ACIN1: variants seen among roughly 807,000 people sequenced by gnomAD.
ACIN1 encodes apoptotic chromatin condensation inducer in the nucleus.
In ACIN1, 16 loss-of-function variants were observed where a neutral mutation model predicts 146.6. That is an observed-to-expected ratio of 0.11 (90% CI 0.07 to 0.17). ACIN1 has a LOEUF of 0.17. Among genes scored for constraint, ACIN1 ranks in the 10% least tolerant of loss-of-function variants. ACIN1 has a pLI of 1.00. For synonymous variants in ACIN1, 569 were observed against 582.7 expected, an observed-to-expected ratio of 0.98 and a Z score of 0.34; for missense variants, 1,357 against 1,609.3, an observed-to-expected ratio of 0.84 and a Z score of 2.68.
rs116588366 is a variant in ACIN1 at position 23,062,560 on chromosome 14, G to C, written c.2884-37C>G. ...AATAGACTTTCAGGGTCTAGCAGAAGGCAAGACCACCACCCAATCTTTAGA... is the reference window on the plus strand; with the variant it reads ...AATAGACTTTCAGGGTCTAGCAGAACGCAAGACCACCACCCAATCTTTAGA... On this transcript the variant is annotated intron_variant, in intron 14 of 18. Transcript: ENST00000605057. 2,883 of 1,559,404 alleles carry C rather than the reference G, an allele frequency of 1.8e-3. 58 individuals are homozygous for C. The African/African-American group carries it at 0.034, about 18-fold the overall frequency.
In ACIN1 at chr14:23,068,347, C is replaced by T; in HGVS notation, c.2265+1129G>A. The T allele has an allele frequency of 1.0e-6, 1 of 985,962 alleles. No individual in the cohort carries two copies. The highest frequency in any genetic ancestry group is 4.7e-5 in the South Asian group (1 of 21,296). The allele number at this position is 985,962 out of a possible 1,614,324, so 61.1% of individuals were successfully genotyped here. A position where few individuals can be genotyped will look rare whatever the true frequency, so the allele number is the denominator to read the frequency against. Reference sequence around the variant, plus strand: ...GGGCATGTGGGCAGGCGCCCCAGCACTGGCACAAGCTCTTCTTGGGGTGTC... The same window carrying T: ...GGGCATGTGGGCAGGCGCCCCAGCATTGGCACAAGCTCTTCTTGGGGTGTC... On this transcript the variant is annotated intron_variant, in intron 9 of 18. Transcript: ENST00000605057. The surrounding 1 kb of genome is among the most constrained non-coding windows in gnomAD (Gnocchi z 4.3).
chr14:23,065,945 G>A, intron 10 of ACIN1, 21 bp downstream of exon 10: 3 of 1,610,710 alleles, frequency 1.9e-6, no homozygotes, highest in Non-Finnish European at 2.5e-6. Context: ...ACTTTTATCA[G>A]GGATTTGGGG....
intron 14 of ACIN1, 66 bp from the exon 15 acceptor site, chr14:23,062,589 C>T: frequency 4.2e-6 from 6 of 1,436,500 alleles, no homozygotes; most frequent in South Asian, 3.4e-5. Flanking sequence ...CTTTAGATTT[C>T]CCGAGCTGCT....
intron 4 of ACIN1, among the ~76,000 whole-genome samples, chr14:23,082,655 G>A (rs1286686403): frequency 1.3e-5 from 2 of 152,044 alleles, no homozygotes; most frequent in African/African-American, 4.8e-5. Context: ...CTGTTGGACA[G>A]GCTGGTCTCA....
chr14:23,060,255 C>T (rs1048494534), intron 18 of ACIN1, among the ~76,000 whole-genome samples: 3 of 152,152 alleles, frequency 2.0e-5, no homozygotes, highest in Non-Finnish European at 4.4e-5. Flanking sequence ...AGGCATGAGC[C>T]ACCATGCCTA....
chr14:23,066,274 G>A (rs1471079898), intron 9 of ACIN1: 23 of 354,876 alleles, frequency 6.5e-5, no homozygotes. Context: ...TATCACACCT[G>A]TGTATTAGCT....
intron 8 of ACIN1, among the ~76,000 whole-genome samples, chr14:23,075,436 A>G (rs1337551042): frequency 6.6e-6 from 1 of 151,838 alleles, no homozygotes; most frequent in East Asian, 1.9e-4. Context: ...ACAGCACTCA[A>G]CTGAAACAGG....
At chr14:23,086,220 G>A (rs957949864) in intron 4 of ACIN1, among the ~76,000 whole-genome samples, 4 of 152,156 alleles carry the variant, frequency 2.6e-5, no homozygotes, top group Non-Finnish European at 4.4e-5. Context: ...TAGAATTTCC[G>A]CATCCAGGTT....
At chr14:23,061,060 C>A (rs751749052) in intron 18 of ACIN1, 24 bp downstream of exon 18, 3 of 1,606,718 alleles carry the variant, frequency 1.9e-6, no homozygotes, top group South Asian at 1.1e-5. Flanking sequence ...CACTAGGGAG[C>A]AGGGCACGAA....
chr14:23,071,683 C>CA (rs1555372180), intron 8 of ACIN1: 15 of 923,834 alleles, frequency 1.6e-5, no homozygotes, highest in Non-Finnish European at 1.6e-5. Context: ...CACAGGGAGC[C>CA]GACTGCTGGC....
chr14:23,066,179 A>C, intron 9 of ACIN1, 171 bp from the exon 10 acceptor site: 2 of 556,006 alleles, frequency 3.6e-6, no homozygotes, highest in South Asian at 4.9e-5. Flanking sequence ...CAGAAGCGGC[A>C]AACGGCAAAA....
At chr14:23,091,626 ATT>A (rs149184878) in intron 2 of ACIN1, among the ~76,000 whole-genome samples, 18 of 137,920 alleles carry the variant, frequency 1.3e-4, no homozygotes, top group South Asian at 2.3e-4. Context: ...TCCAGGAAAC[ATT>A]TTTTTTTTTT....
chr14:23,076,122 G>A (rs2047794706), intron 8 of ACIN1, among the ~76,000 whole-genome samples: 1 of 152,210 alleles, frequency 6.6e-6, no homozygotes, highest in Admixed American at 6.5e-5. Flanking sequence ...CAGGAAGGGT[G>A]TTGTTAATCA....
chr14:23,094,967 C>G lies in ACIN1; in HGVS notation c.138+8G>C, dbSNP rs1259217512. The stretch of plus-strand genomic sequence containing the variant: ...TCCTCCGACACCCCAGCAACGCCGA[C>G]TCCTCACCCCTTTGAGCCGCTTGAC... On this transcript the variant is annotated splice_region_variant and intron_variant, in intron 1 of 18. Transcript: ENST00000605057. The G allele has an allele frequency of 6.3e-7, 1 of 1,587,700 alleles. No individual in the cohort carries two copies. The highest frequency in any genetic ancestry group is 1.3e-5 in the African/African-American group (1 of 74,846).
chr14:23,079,091 T>G, intron 6 of ACIN1, 53 bp from the exon 7 acceptor site: 1 of 1,519,234 alleles, frequency 6.6e-7, no homozygotes, highest in Non-Finnish European at 8.9e-7. Flanking sequence ...TGGTATATAT[T>G]CAGTAGATTG....
intron 8 of ACIN1, among the ~76,000 whole-genome samples, chr14:23,075,961 A>G (rs980069964): frequency 4.6e-5 from 7 of 152,238 alleles, no homozygotes; most frequent in African/African-American, 1.4e-4. Flanking sequence ...TTGGCCTCCC[A>G]AAGTGCTGCA....
At chr14:23,069,652 G>GGGGGCCGGCGCCCCGGC in intron 8 of ACIN1, 35 bp from the exon 9 acceptor site, 1 of 577,974 alleles carries the variant, frequency 1.7e-6, no homozygotes, top group Non-Finnish European at 3.3e-6. Context: ...GGGGGGGCGG[G>GGGGGCCGGCGCCCCGGC]CAGAAAAGAA....
chr14:23,095,128 CG>C lies in ACIN1; in HGVS notation c.-17del. ...GCTCCGCCATCTTGCGTGAGGTACT[CG>C]GGTCCGTCCCGACGGCTTCGGGCAT... is the stretch of plus-strand genomic sequence containing the variant. On this transcript the variant is annotated 5_prime_UTR_variant, in exon 1 of 19. Transcript: ENST00000605057. The C allele has an allele frequency of 6.2e-7, 1 of 1,614,246 alleles. No individual in the cohort carries two copies. The highest frequency in any genetic ancestry group is 8.5e-7 in the Non-Finnish European group (1 of 1,180,050).
rs2048316819 is a variant in ACIN1, at chr14:23,094,509, G to A, written c.138+466C>T. On this transcript the variant is annotated intron_variant, in intron 1 of 18. Transcript: ENST00000605057. ...TCATCTCACCTCCTCATCTAATCGA[G>A]CAGACATTTTACCCTACCCCAGTCC... 1.3e-5 allele frequency: 13 copies of A among 984,982 alleles called. No homozygotes were observed. In the South Asian group the frequency reaches 5.2e-4, roughly 39 times the overall value. The allele number at this position is 984,982 out of a possible 1,614,324, so 61.0% of individuals were successfully genotyped here. A position where few individuals can be genotyped will look rare whatever the true frequency, so the allele number is the denominator to read the frequency against.
Sources: allele counts gnomAD v4.1 joint callset (sites outside exome capture counted in the v4.1 genomes callset), GRCh38; gene constraint gnomAD v4.1.1; non-coding constraint Gnocchi (gnomAD v3.1); transcripts MANE v1.5; gene names NCBI Gene and HGNC (gene_info 2026-07-23, HGNC 2026-07-21).